The following ENTREP2 variants were observed in gnomAD, a reference collection of about 807,000 sequenced individuals.
The protein encoded by ENTREP2 is endosomal transmembrane epsin interactor 2, also known as protein ENTREP2.
the ENTREP2 span, chr15:29,375,152 G>A: frequency 6.6e-6 from 1 of 152,148 alleles, no homozygotes; most frequent in African/African-American, 2.4e-5. Context: ...GGCAGAACTG[G>A]AACAGCATTT....
chr15:29,529,782 A>G, the ENTREP2 span, among the ~76,000 whole-genome samples: 8 of 152,208 alleles, frequency 5.3e-5, no homozygotes, highest in African/African-American at 1.9e-4. Context: ...TAAAATTTCT[A>G]CCTTAGGGTT....
chr15:29,314,099 G>A, the ENTREP2 span, among the ~76,000 whole-genome samples: 1 of 152,218 alleles, frequency 6.6e-6, no homozygotes, highest in African/African-American at 2.4e-5. Flanking sequence ...TGGACAAGCA[G>A]CTGCTTCTTA....
the ENTREP2 span, among the ~76,000 whole-genome samples, chr15:29,657,495 G>C: frequency 2.0e-5 from 2 of 99,478 alleles, no homozygotes; most frequent in African/African-American, 7.0e-5. Flanking sequence ...GGGGGGGGGG[G>C]TGGCCAGCTT....
chr15:29,536,597 C>A, the ENTREP2 span, among the ~76,000 whole-genome samples: 1 of 141,888 alleles, frequency 7.0e-6, no homozygotes, highest in African/African-American at 2.7e-5. Context: ...GAGCCTGACT[C>A]TGTCTCAAAA....
At chr15:29,493,335 G>A in the ENTREP2 span, among the ~76,000 whole-genome samples, 7 of 150,346 alleles carry the variant, frequency 4.7e-5, no homozygotes, top group Admixed American at 1.3e-4. Context: ...GGGTTTCACC[G>A]TTTTAGCCGG....
the ENTREP2 span, among the ~76,000 whole-genome samples, chr15:29,431,985 C>T: frequency 6.6e-6 from 1 of 152,130 alleles, no homozygotes; most frequent in Admixed American, 6.6e-5. Flanking sequence ...TGATAGTTAG[C>T]AAAACCAGGA....
the ENTREP2 span, chr15:29,123,454 C>T: frequency 4.3e-5 from 67 of 1,551,542 alleles, no homozygotes; most frequent in South Asian, 7.1e-4. Context: ...GGGGAGGGCA[C>T]AGTGTGAGTG....
chr15:29,451,085 A>T, the ENTREP2 span, among the ~76,000 whole-genome samples: 1 of 152,222 alleles, frequency 6.6e-6, no homozygotes, highest in South Asian at 2.1e-4. Flanking sequence ...ACAAACCTGC[A>T]CTGAACCTAA....
chr15:29,306,664 A>ATTTTTT, the ENTREP2 span, among the ~76,000 whole-genome samples: 255 of 77,318 alleles, frequency 3.3e-3, 45 homozygotes, highest in Middle Eastern at 0.026. Context: ...ATAATTGGTA[A>ATTTTTT]TTTTTTTTTT....
the ENTREP2 span, among the ~76,000 whole-genome samples, chr15:29,232,946 G>T: frequency 6.6e-6 from 1 of 152,156 alleles, no homozygotes; most frequent in Non-Finnish European, 1.5e-5. Context: ...TAAACCATTT[G>T]TGCTAACCCT....
the ENTREP2 span, among the ~76,000 whole-genome samples, chr15:29,294,450 T>C: frequency 1.3e-5 from 2 of 152,124 alleles, no homozygotes; most frequent in South Asian, 2.1e-4. Flanking sequence ...GTGGGATGAG[T>C]AGGGAGACAG....
At chr15:29,318,542 G>A in the ENTREP2 span, among the ~76,000 whole-genome samples, 1 of 152,006 alleles carries the variant, frequency 6.6e-6, no homozygotes, top group Non-Finnish European at 1.5e-5. Context: ...GGATGGTCTC[G>A]ATCTCCTGAC....
the ENTREP2 span, among the ~76,000 whole-genome samples, chr15:29,302,764 G>T: frequency 2.0e-5 from 3 of 152,140 alleles, no homozygotes; most frequent in Non-Finnish European, 4.4e-5. Flanking sequence ...TTTGCAAGGC[G>T]TGTCAATTTT....
the ENTREP2 span, among the ~76,000 whole-genome samples, chr15:29,229,694 T>C: frequency 6.6e-6 from 1 of 152,206 alleles, no homozygotes; most frequent in African/African-American, 2.4e-5. Flanking sequence ...TATGGCATTC[T>C]TTCTGCCCTG....
At chr15:29,326,840 A>G in the ENTREP2 span, among the ~76,000 whole-genome samples, 1 of 152,294 alleles carries the variant, frequency 6.6e-6, no homozygotes, top group Non-Finnish European at 1.5e-5. Flanking sequence ...AAACAAGTCA[A>G]CATGGTATTG....
At chr15:29,253,641 C>T in the ENTREP2 span, among the ~76,000 whole-genome samples, 1 of 152,034 alleles carries the variant, frequency 6.6e-6, no homozygotes, top group African/African-American at 2.4e-5. Context: ...CGGGGTTTCA[C>T]CATGTTGGCC....
At chr15:29,209,907 A>G in the ENTREP2 span, among the ~76,000 whole-genome samples, 2 of 152,158 alleles carry the variant, frequency 1.3e-5, no homozygotes, top group Non-Finnish European at 1.5e-5. Flanking sequence ...AAATTAGTGG[A>G]AGGATGTAAA....
the ENTREP2 span, among the ~76,000 whole-genome samples, chr15:29,590,683 C>CAAAAAAAAAAAAAAAAAAAAAAA: frequency 1.3e-5 from 1 of 75,334 alleles, no homozygotes; most frequent in Admixed American, 1.9e-4. Flanking sequence ...GACTCCGTCT[C>CAAAAAAAAAAAAAAAAAAAAAAA]AAAAAAAAAA....
chr15:29,346,814 A>G, the ENTREP2 span, among the ~76,000 whole-genome samples: 3 of 152,148 alleles, frequency 2.0e-5, no homozygotes, highest in Admixed American at 2.0e-4. Flanking sequence ...TTTCACAGTT[A>G]TTTGTTTTCA....
Sources: gnomAD v4.1 joint callset for allele counts (sites outside exome capture counted in the v4.1 genomes callset) on GRCh38, gnomAD v4.1.1 for gene constraint, MANE v1.5 for transcripts, NCBI Gene and HGNC (gene_info 2026-07-23, HGNC 2026-07-21) for gene names.